HTR2A: variants seen among roughly 807,000 people sequenced by gnomAD.
HTR2A encodes the protein 5-HT2 receptor.
A neutral mutation model predicts 31.0 loss-of-function variants in HTR2A; 14 were observed. That is an observed-to-expected ratio of 0.45 (90% confidence interval 0.30 to 0.71). HTR2A has a LOEUF of 0.71. Among genes scored for constraint, HTR2A ranks in the 30% least tolerant of loss-of-function variants. The pLI is 0.09. For synonymous variants in HTR2A, 209 were observed against 225.2 expected (o/e 0.93, Z 0.64); for missense variants, 442 against 573.3 (o/e 0.77, Z 2.34).
At chr13:46,840,866 A>C (rs977003) in intron 3 of HTR2A, among the ~76,000 whole-genome samples, 80,036 of 151,994 alleles carry the variant, frequency 0.53, 23,453 homozygotes, top group African/African-American at 0.79. Context: ...AATAAGCACT[A>C]AATTACACCA....
At chr13:46,879,067 A>G (rs1484269385) in intron 3 of HTR2A, among the ~76,000 whole-genome samples, 1 of 152,226 alleles carries the variant, frequency 6.6e-6, no homozygotes, top group Non-Finnish European at 1.5e-5. Flanking sequence ...ACTGCATGAA[A>G]TGCAGGATAA....
Position 46,874,156 on chromosome 13 carries a change from A to G in HTR2A, c.613+18234T>C, listed in dbSNP as rs1950887682. Reference sequence around the variant, plus strand: ...GCTTTTGCCTGACAATTGGAACGTGAAATTCTCATGGTATGTCTCTTATTC... The same window carrying G: ...GCTTTTGCCTGACAATTGGAACGTGGAATTCTCATGGTATGTCTCTTATTC... On this transcript the variant is annotated intron_variant, in intron 3 of 3. Coordinates refer to ENST00000542664, the MANE Select transcript of HTR2A (RefSeq NM_000621.5). 2.0e-5 allele frequency among the ~76,000 whole-genome samples: 3 copies of G among 152,338 alleles called. No homozygotes were observed. The South Asian group carries it at 6.2e-4, about 32-fold the overall frequency.
chr13:46,879,558 A>G (rs1950944206), intron 3 of HTR2A, among the ~76,000 whole-genome samples: 1 of 152,256 alleles, frequency 6.6e-6, no homozygotes, highest in Non-Finnish European at 1.5e-5. Context: ...AGGTAGAGAC[A>G]GGAAGTACAG....
chr13:46,876,768 T>C (rs973130471), intron 3 of HTR2A, among the ~76,000 whole-genome samples: 1 of 152,146 alleles, frequency 6.6e-6, no homozygotes, highest in Non-Finnish European at 1.5e-5. Flanking sequence ...CAAACTCTTT[T>C]GCTAGATGCT....
Position 46,896,189 on chromosome 13 carries a change from A to G in HTR2A, c.-283T>C. ...CAAAAAAGCAGAATGAACTTTTAGCATAGAGGTTGCAGGGTTTTTTTTGAG... is the reference window on the plus strand; with the variant it reads ...CAAAAAAGCAGAATGAACTTTTAGCGTAGAGGTTGCAGGGTTTTTTTTGAG... On this transcript the variant is annotated 5_prime_UTR_variant, in exon 2 of 4. The change abolishes an upstream ATG in the 5' untranslated region. Coordinates refer to ENST00000542664, the MANE Select transcript of HTR2A (RefSeq NM_000621.5). 1 of 1,185,244 alleles carries G rather than the reference A, an allele frequency of 8.4e-7. No homozygotes were observed. Among genetic ancestry groups the G allele is most frequent in the Non-Finnish European group, 1.0e-6 (1 of 959,086 alleles). The allele number at this position is 1,185,244 out of a possible 1,614,324, so 73.4% of individuals were successfully genotyped here. A position where few individuals can be genotyped will look rare whatever the true frequency, so the allele number is the denominator to read the frequency against.
chr13:46,851,412 A>T (rs1256695283), intron 3 of HTR2A, among the ~76,000 whole-genome samples: 9 of 152,258 alleles, frequency 5.9e-5, no homozygotes. Flanking sequence ...AGATACATAC[A>T]GCACAAAACA....
At chr13:46,872,991 G>A (rs1190460085) in intron 3 of HTR2A, among the ~76,000 whole-genome samples, 7 of 152,208 alleles carry the variant, frequency 4.6e-5, no homozygotes, top group Admixed American at 2.6e-4. Flanking sequence ...CCCGGTTCAA[G>A]TGATTCTTCT....
intron 3 of HTR2A, among the ~76,000 whole-genome samples, chr13:46,887,904 G>A (rs1280958069): frequency 2.0e-5 from 3 of 151,894 alleles, no homozygotes; most frequent in Non-Finnish European, 2.9e-5. Context: ...ACACACACTG[G>A]GGCCTGTTGG....
intron 3 of HTR2A, among the ~76,000 whole-genome samples, chr13:46,874,813 T>A (rs1950894198): frequency 6.6e-6 from 1 of 152,208 alleles, no homozygotes; most frequent in African/African-American, 2.4e-5. Flanking sequence ...AAAAGGAACC[T>A]CGTTTCCTTT....
At chr13:46,860,279 T>A (rs1382205002) in intron 3 of HTR2A, among the ~76,000 whole-genome samples, 1 of 152,212 alleles carries the variant, frequency 6.6e-6, no homozygotes, top group Non-Finnish European at 1.5e-5. Flanking sequence ...TCTGTTGCTA[T>A]ATAATACATA....
intron 3 of HTR2A, among the ~76,000 whole-genome samples, chr13:46,882,206 C>G (rs1950971003): frequency 6.9e-6 from 1 of 144,778 alleles, no homozygotes; most frequent in East Asian, 2.0e-4. Context: ...AACTCACAAG[C>G]AAGTGAAAAT....
rs36212789 is a variant in HTR2A at position 46,896,157 on chromosome 13, C to G, written c.-251G>C. On this transcript the variant is annotated 5_prime_UTR_variant, in exon 2 of 4. Transcript: ENST00000542664. ...TTGGTTTTATTATTTTCTCACCAAA[C>G]CGAGGACAAAAAAGCAGAATGAACT... 3.1e-3 allele frequency: 3,824 copies of G among 1,222,136 alleles called. 85 individuals are homozygous for G. The African/African-American group carries it at 0.05, about 16-fold the overall frequency. 75.7% of individuals were successfully genotyped at this position (1,222,136 alleles called of 1,614,324 possible).
chr13:46,897,814 A>G (rs1290651757), upstream of HTR2A, among the ~76,000 whole-genome samples: 1 of 152,142 alleles, frequency 6.6e-6, no homozygotes, highest in Non-Finnish European at 1.5e-5. Context: ...GTACCTTCAT[A>G]GCTGATTATT....
At chr13:46,838,967 G>GACACACACAC (rs1235268895) in intron 3 of HTR2A, among the ~76,000 whole-genome samples, 1 of 136,772 alleles carries the variant, frequency 7.3e-6, no homozygotes, top group African/African-American at 3.0e-5. Flanking sequence ...TCTTTGGTTG[G>GACACACACAC]ACACACACAT....
Position 46,835,100 on chromosome 13 carries a change from T to C in HTR2A, c.1153A>G (p.Lys385Glu). The change falls in exon 4 of 4, where the codon AAG becomes GAG. Residue 385 changes from lysine (K) to glutamate (E), a missense_variant. By Grantham distance (56) the Lys-to-Glu change is moderately conservative. Transcript: ENST00000542664. ...VNPLVYTLFN[K>E]TYRSAFSRYI... The stretch of plus-strand genomic sequence containing the variant: ...CGTGAAAAGGCTGACCTATAGGTCT[T>C]GTTGAACAGTGTGTAGACTAGTGGG... 2 of 1,614,096 alleles carry C rather than the reference T, an allele frequency of 1.2e-6. No homozygotes were observed. The highest frequency in any genetic ancestry group is 1.1e-5 in the South Asian group (1 of 91,084).
intron 3 of HTR2A, among the ~76,000 whole-genome samples, chr13:46,856,594 T>TAA (rs34758371): frequency 9.6e-4 from 140 of 145,918 alleles, no homozygotes; most frequent in African/African-American, 3.4e-3. Context: ...CTCTCTTAGT[T>TAA]AAAAAAAAAA....
At chr13:46,864,839 C>T (rs2770293) in intron 3 of HTR2A, among the ~76,000 whole-genome samples, 56,735 of 151,904 alleles carry the variant, frequency 0.37, 11,273 homozygotes, top group Non-Finnish European at 0.45. Context: ...GAGTGAGATT[C>T]GTCTTTGCAA....
chr13:46,856,072 G>C (rs1251492879), intron 3 of HTR2A: 2 of 152,210 alleles, frequency 1.3e-5, no homozygotes, highest in Admixed American at 6.5e-5. Context: ...TTCATCCCTG[G>C]TTATATGTTG....
intron 3 of HTR2A, among the ~76,000 whole-genome samples, chr13:46,888,881 A>T (rs550458836): frequency 1.8e-4 from 27 of 152,358 alleles, no homozygotes; most frequent in Admixed American, 2.6e-4. Flanking sequence ...AATTTAAAAC[A>T]ATGGATAACA....
Sources: gnomAD v4.1 joint callset for allele counts (sites outside exome capture counted in the v4.1 genomes callset) on GRCh38, gnomAD v4.1.1 for gene constraint, MANE v1.5 for transcripts, NCBI Gene and HGNC (gene_info 2026-07-23, HGNC 2026-07-21) for gene names.